The following C12orf42 variants were observed in gnomAD, a reference collection of about 807,000 sequenced individuals.
The protein encoded by C12orf42 is uncharacterized protein C12orf42.
Under a neutral mutation model 21.6 loss-of-function variants are expected in C12orf42, and 25 were observed. The ratio of observed to expected loss-of-function variants is 1.16; its 90% CI spans 0.84 to 1.62. The LOEUF (loss-of-function observed/expected upper bound fraction) is 1.62. C12orf42 is among the 40% of genes most tolerant of loss of function. The pLI, the probability that C12orf42 is intolerant of heterozygous loss-of-function variation, is 0.00. For missense variants in C12orf42, 483 were observed against 459.3 expected (o/e 1.05, Z -0.47); for synonymous variants, 174 against 175.0 (o/e 0.99, Z 0.05).
chr12:103,093,418 A>G, the C12orf42 span, among the ~76,000 whole-genome samples: 1 of 152,202 alleles, frequency 6.6e-6, no homozygotes, highest in Non-Finnish European at 1.5e-5. Flanking sequence ...ACAGAACAAA[A>G]CAATCCTTGG....
chr12:103,533,454 C>T, the C12orf42 span, among the ~76,000 whole-genome samples: 2 of 152,066 alleles, frequency 1.3e-5, no homozygotes, highest in Non-Finnish European at 2.9e-5. Context: ...CTCTCTGGTC[C>T]CAATTTTCCA....
intron 3 of C12orf42, chr12:103,396,564 T>C (rs766604980): frequency 1.4e-4 from 21 of 152,242 alleles, no homozygotes; most frequent in Non-Finnish European, 2.8e-4. Flanking sequence ...GGGCACTAAA[T>C]TTTTTATCAT....
At chr12:103,116,380 AAATAT>A in the C12orf42 span, among the ~76,000 whole-genome samples, 4 of 131,214 alleles carry the variant, frequency 3.0e-5, no homozygotes, top group Non-Finnish European at 6.7e-5. Context: ...GAAAAAAAAA[AAATAT>A]ATATATATAT....
intron 2 of C12orf42, among the ~76,000 whole-genome samples, chr12:103,446,576 T>C (rs909070170): frequency 6.6e-6 from 1 of 152,004 alleles, no homozygotes; most frequent in Non-Finnish European, 1.5e-5. Flanking sequence ...GAAGAAGTGA[T>C]AAGATTTCAT....
the C12orf42 span, among the ~76,000 whole-genome samples, chr12:103,511,782 T>C: frequency 6.6e-6 from 1 of 152,238 alleles, no homozygotes; most frequent in Non-Finnish European, 1.5e-5. Context: ...ACTGCTATTC[T>C]TTAAATATTT....
chr12:103,092,653 T>C, the C12orf42 span, among the ~76,000 whole-genome samples: 4 of 151,998 alleles, frequency 2.6e-5, no homozygotes, highest in African/African-American at 9.7e-5. Context: ...ATCTCTACCC[T>C]CCCCTATCCA....
the C12orf42 span, among the ~76,000 whole-genome samples, chr12:103,112,244 C>T: frequency 1.3e-5 from 2 of 152,140 alleles, no homozygotes; most frequent in Non-Finnish European, 2.9e-5. Flanking sequence ...AAGAGTTAAG[C>T]GTTATGAGGC....
At chr12:103,208,834 A>G in the C12orf42 span, among the ~76,000 whole-genome samples, 82 of 152,280 alleles carry the variant, frequency 5.4e-4, no homozygotes, top group African/African-American at 1.9e-3. Flanking sequence ...ATTCTGTGTG[A>G]TGTAAAATGA....
chr12:103,302,088 G>T lies in C12orf42; in HGVS notation c.*20C>A, dbSNP rs751527411. ...GATTTGAAGATGGGCAGCACTCGCC[G>T]AACAATTCCCTCGCAGCGGTCAATG... is the stretch of plus-strand genomic sequence containing the variant. On this transcript the variant is annotated 3_prime_UTR_variant, in exon 6 of 6. Coordinates refer to ENST00000548883, the MANE Select transcript of C12orf42 (RefSeq NM_198521.5). The T allele has an allele frequency of 3.1e-6, 5 of 1,597,926 alleles. No individual in the cohort carries two copies. The highest frequency in any genetic ancestry group is 2.3e-5 in the South Asian group (2 of 87,870).
At chr12:103,210,212 G>A in the C12orf42 span, among the ~76,000 whole-genome samples, 1 of 152,110 alleles carries the variant, frequency 6.6e-6, no homozygotes, top group Non-Finnish European at 1.5e-5. Flanking sequence ...TGGTTAAATA[G>A]ATATGAGATA....
At chr12:103,090,575 G>A in the C12orf42 span, among the ~76,000 whole-genome samples, 3 of 152,166 alleles carry the variant, frequency 2.0e-5, no homozygotes, top group Admixed American at 1.3e-4. Context: ...TCTGCCCATT[G>A]AGCTATGTAA....
the C12orf42 span, among the ~76,000 whole-genome samples, chr12:103,086,577 GA>G: frequency 6.6e-6 from 1 of 150,844 alleles, no homozygotes; most frequent in Non-Finnish European, 1.5e-5. Flanking sequence ...AGTTTTGAGG[GA>G]TTGACTAAAT....
At chr12:103,199,264 G>A in the C12orf42 span, among the ~76,000 whole-genome samples, 1 of 151,998 alleles carries the variant, frequency 6.6e-6, no homozygotes, top group Non-Finnish European at 1.5e-5. Flanking sequence ...CACATTCAAA[G>A]GAATGAAATT....
rs112024543 is a variant in C12orf42 at position 103,238,227 on chromosome 12, C to CT, written c.*1367-326dup. On this transcript the variant is annotated intron_variant and NMD_transcript_variant, in intron 10 of 10. Coordinates refer to the C12orf42 transcript ENST00000547347. The stretch of plus-strand genomic sequence containing the variant: ...AATTATATTGGAACACGGCTACATC[C>CT]TTTTTTTTTTTTAACCTACTGTGTG... Among the ~76,000 whole-genome samples the CT allele has an allele frequency of 6.2e-3, 898 of 145,674 alleles. 4 individuals are homozygous for CT. The highest frequency in any genetic ancestry group is 0.014 in the Middle Eastern group (4 of 280).
chr12:103,449,302 G>C (rs1192192922), intron 2 of C12orf42, among the ~76,000 whole-genome samples: 3 of 151,920 alleles, frequency 2.0e-5, no homozygotes, highest in Non-Finnish European at 4.4e-5. Context: ...GGACACAAAG[G>C]CATAAGAATG....
rs147351555 is a variant in C12orf42, at chr12:103,291,613, T to G, written n.338-14403A>C. Among the ~76,000 whole-genome samples the G allele has an allele frequency of 5.6e-3, 859 of 152,276 alleles. 4 individuals are homozygous for G. Among genetic ancestry groups the G allele is most frequent in the African/African-American group, 0.02 (814 of 41,570 alleles). ...AGGGGTGAATTATTCACAGATTTTC[T>G]AGAAAAGGAGTGGGGAGTTCCCAGA... On this transcript the variant is annotated intron_variant and non_coding_transcript_variant, in intron 4 of 6. Coordinates refer to the C12orf42 transcript ENST00000546526.
the C12orf42 span, among the ~76,000 whole-genome samples, chr12:103,087,244 A>T: frequency 6.6e-6 from 1 of 152,220 alleles, no homozygotes; most frequent in Non-Finnish European, 1.5e-5. Context: ...TGTAAAATTT[A>T]AGCATGTTCA....
At chr12:103,516,597 C>A in the C12orf42 span, among the ~76,000 whole-genome samples, 2 of 152,128 alleles carry the variant, frequency 1.3e-5, no homozygotes, top group Non-Finnish European at 2.9e-5. Context: ...GGGGAAACTA[C>A]CACTTATAAA....
At chr12:103,233,359 A>C (rs2033365501), downstream of C12orf42, among the ~76,000 whole-genome samples, 1 of 152,208 alleles carries the variant, frequency 6.6e-6, no homozygotes, top group Non-Finnish European at 1.5e-5. Flanking sequence ...TATCCACAAA[A>C]TAATCTTTGA....
Sources: allele counts gnomAD v4.1 joint callset (sites outside exome capture counted in the v4.1 genomes callset), GRCh38; gene constraint gnomAD v4.1.1; transcripts MANE v1.5; gene names NCBI Gene and HGNC (gene_info 2026-07-23, HGNC 2026-07-21).